RANBP2: variants seen among roughly 807,000 people sequenced by gnomAD.
RANBP2 encodes the protein E3 SUMO-protein ligase RanBP2.
In RANBP2, 57 loss-of-function variants were observed where a neutral mutation model predicts 303.6. The ratio of observed to expected loss-of-function variants is 0.19; its 90% CI spans 0.15 to 0.23. RANBP2 has a LOEUF of 0.23. Among genes scored for constraint, RANBP2 ranks in the 10% least tolerant of loss-of-function variants. The pLI is 1.00. For missense variants in RANBP2, 3,138 were observed against 3,780.8 expected, an observed-to-expected ratio of 0.83 and a Z score of 4.46; for synonymous variants, 1,167 against 1,301.5, an observed-to-expected ratio of 0.90 and a Z score of 2.23.
the RANBP2 span, among the ~76,000 whole-genome samples, chr2:109,259,175 G>T: frequency 3.9e-5 from 6 of 152,250 alleles, no homozygotes; most frequent in African/African-American, 1.4e-4. Context: ...ACAAAAGCCG[G>T]GTTGAGGAAT....
intron 1 of RANBP2, among the ~76,000 whole-genome samples, chr2:108,727,799 C>T (rs1356888879): frequency 1.3e-5 from 2 of 151,940 alleles, no homozygotes; most frequent in Non-Finnish European, 2.9e-5. Flanking sequence ...AAGGAGGTTT[C>T]TGCATGTTGG....
chr2:109,339,195 C>T, the RANBP2 span, among the ~76,000 whole-genome samples: 4 of 142,404 alleles, frequency 2.8e-5, no homozygotes, highest in African/African-American at 1.1e-4. Context: ...GAGGCACACT[C>T]GGTATAACTT....
the RANBP2 span, among the ~76,000 whole-genome samples, chr2:109,099,684 TG>T: frequency 6.6e-6 from 1 of 151,008 alleles, no homozygotes; most frequent in Non-Finnish European, 1.5e-5. Context: ...AGGTGAGGGG[TG>T]GGGAGTGGGA....
chr2:108,738,005 C>T (rs1348231670), intron 6 of RANBP2, among the ~76,000 whole-genome samples: 24 of 150,666 alleles, frequency 1.6e-4, no homozygotes, highest in African/African-American at 2.4e-4. Context: ...TGAGCCACCG[C>T]GCCCAGCCCA....
the RANBP2 span, chr2:109,565,838 C>A: frequency 4.3e-6 from 7 of 1,613,974 alleles, no homozygotes; most frequent in African/African-American, 8.0e-5. Context: ...ATACTTCCCA[C>A]AACAGCAAAC....
the RANBP2 span, among the ~76,000 whole-genome samples, chr2:108,995,227 T>C: frequency 6.6e-6 from 1 of 152,104 alleles, no homozygotes; most frequent in Non-Finnish European, 1.5e-5. Flanking sequence ...GTAGTGAGAC[T>C]GCGGCTCACT....
the RANBP2 span, among the ~76,000 whole-genome samples, chr2:108,939,263 C>T: frequency 0.68 from 103,306 of 151,932 alleles, 37,749 homozygotes; most frequent in Non-Finnish European, 0.82. Context: ...CTGCAACCTC[C>T]GCAACCTCCG....
the RANBP2 span, among the ~76,000 whole-genome samples, chr2:109,546,981 C>G: frequency 1.3e-5 from 2 of 152,168 alleles, no homozygotes; most frequent in African/African-American, 4.8e-5. Flanking sequence ...GCAGCAGATA[C>G]AGGAAAGCTC....
chr2:108,874,922 A>AT, the RANBP2 span, among the ~76,000 whole-genome samples: 106,594 of 147,276 alleles, frequency 0.72, 40,989 homozygotes, highest in East Asian at 0.95. Flanking sequence ...AATTCATGGG[A>AT]TTTTTTTTTT....
the RANBP2 span, among the ~76,000 whole-genome samples, chr2:109,769,690 A>C: frequency 1.2e-5 from 1 of 80,558 alleles, no homozygotes; most frequent in Admixed American, 1.4e-4. Context: ...TGGTGGATGA[A>C]GTTCTTGCAA....
chr2:108,738,480 C>T (rs1258028120), intron 6 of RANBP2, among the ~76,000 whole-genome samples: 1 of 152,106 alleles, frequency 6.6e-6, no homozygotes, highest in Non-Finnish European at 1.5e-5. Context: ...TTGCCTTGGC[C>T]TTCCAAAGTG....
chr2:109,441,949 C>G, the RANBP2 span, among the ~76,000 whole-genome samples: 3 of 99,546 alleles, frequency 3.0e-5, no homozygotes, highest in Non-Finnish European at 6.9e-5. Flanking sequence ...GCAAAAATAT[C>G]TTTCAAAAAA....
the RANBP2 span, among the ~76,000 whole-genome samples, chr2:109,431,919 A>T: frequency 6.6e-6 from 1 of 152,148 alleles, no homozygotes; most frequent in African/African-American, 2.4e-5. Context: ...ACTGCAAGGA[A>T]GTGTGCAACC....
the RANBP2 span, among the ~76,000 whole-genome samples, chr2:109,092,687 T>G: frequency 6.6e-6 from 1 of 152,132 alleles, no homozygotes; most frequent in Admixed American, 6.5e-5. Flanking sequence ...ACAAAAAGGG[T>G]AGGAAATTCT....
chr2:109,620,236 A>G, the RANBP2 span, among the ~76,000 whole-genome samples: 1 of 152,364 alleles, frequency 6.6e-6, no homozygotes, highest in Admixed American at 6.5e-5. Context: ...ACATGCATTC[A>G]TGCTATGTGA....
chr2:108,933,992 A>G, the RANBP2 span, among the ~76,000 whole-genome samples: 3 of 152,100 alleles, frequency 2.0e-5, no homozygotes, highest in African/African-American at 7.2e-5. Flanking sequence ...AACCATATGA[A>G]TGGTTTCTAA....
the RANBP2 span, among the ~76,000 whole-genome samples, chr2:109,063,383 C>T: frequency 1.3e-5 from 2 of 152,136 alleles, no homozygotes; most frequent in South Asian, 2.1e-4. Context: ...TGGGAGATCT[C>T]GACACAGTAG....
chr2:109,099,283 A>G, the RANBP2 span, among the ~76,000 whole-genome samples: 1 of 152,246 alleles, frequency 6.6e-6, no homozygotes, highest in African/African-American at 2.4e-5. Flanking sequence ...GTTTAAATGC[A>G]GTAAAATTAG....
At chr2:109,217,906 G>A in the RANBP2 span, among the ~76,000 whole-genome samples, 8 of 152,270 alleles carry the variant, frequency 5.3e-5, 1 homozygote, top group South Asian at 1.5e-3. Flanking sequence ...GAGCTGGCCC[G>A]GCTGTGGGTG....
Sources: gnomAD v4.1 joint callset for allele counts (sites outside exome capture counted in the v4.1 genomes callset) on GRCh38, gnomAD v4.1.1 for gene constraint, MANE v1.5 for transcripts, NCBI Gene and HGNC (gene_info 2026-07-23, HGNC 2026-07-21) for gene names.